The following RAB20 variants were observed in gnomAD, a reference collection of about 807,000 sequenced individuals.
RAB20 encodes the protein ras-related protein Rab-20.
RAB20 carries 2 observed loss-of-function variants against 3.7 expected under a neutral mutation model. The ratio of observed to expected loss-of-function variants is 0.54; its 90% CI spans 0.22 to 1.69. RAB20 has a LOEUF of 1.69. Among genes scored for constraint, RAB20 ranks in the 40% most tolerant of loss-of-function variants. The probability of loss-of-function intolerance (pLI) is 0.19; values close to 1 mark genes in which losing one functional copy is unlikely to be tolerated. For missense variants in RAB20, 276 were observed against 311.9 expected, an observed-to-expected ratio of 0.88 and a Z score of 0.87; for synonymous variants, 126 against 130.8, an observed-to-expected ratio of 0.96 and a Z score of 0.25.
At chr13:110,553,577 A>G (rs1013774411) in intron 1 of RAB20, among the ~76,000 whole-genome samples, 2 of 152,234 alleles carry the variant, frequency 1.3e-5, no homozygotes, top group Non-Finnish European at 2.9e-5. Flanking sequence ...AGCCATAGAC[A>G]ATGCATTTAA....
At position 110,528,183 on chromosome 13, in the gene RAB20, G is replaced by A. The variant is rs571431178; in HGVS notation, c.173-3986C>T. 3.1e-4 allele frequency among the ~76,000 whole-genome samples: 47 copies of A among 152,130 alleles called. No individual in the cohort carries two copies. In the East Asian group the frequency reaches 4.3e-3, roughly 14 times the overall value. On this transcript the variant is annotated intron_variant, in intron 1 of 1. Coordinates refer to ENST00000267328, the MANE Select transcript of RAB20 (RefSeq NM_017817.3). The stretch of plus-strand genomic sequence containing the variant: ...TGGAATCCCAGCACTTTGGGACGCC[G>A]GGGTGGGCGGATCACCTGAGTTCGG...
At chr13:110,534,318 G>A (rs762894629) in intron 1 of RAB20, among the ~76,000 whole-genome samples, 1 of 152,152 alleles carries the variant, frequency 6.6e-6, no homozygotes, top group African/African-American at 2.4e-5. Context: ...CCTTATTCAC[G>A]TGGACTGCTC....
intron 1 of RAB20, among the ~76,000 whole-genome samples, chr13:110,548,547 C>T (rs547809653): frequency 2.6e-5 from 4 of 152,128 alleles, no homozygotes; most frequent in African/African-American, 9.6e-5. Flanking sequence ...TCAGTCTCAC[C>T]TGCCTCCATC....
At chr13:110,536,641 C>A (rs1307916913) in intron 1 of RAB20, among the ~76,000 whole-genome samples, 1 of 140,402 alleles carries the variant, frequency 7.1e-6, no homozygotes, top group Non-Finnish European at 1.5e-5. Context: ...CCAAGCCCGT[C>A]AGCAGAACTG....
rs139256872 is a variant in RAB20, at chr13:110,536,652, C to T, written c.173-12455G>A. Reference sequence around the variant, plus strand: ...ACCTCCAAGCCCGTCAGCAGAACTGCTCGCTTCCTGAAACAAGTCACAGCT... The same window carrying T: ...ACCTCCAAGCCCGTCAGCAGAACTGTTCGCTTCCTGAAACAAGTCACAGCT... On this transcript the variant is annotated intron_variant, in intron 1 of 1. Coordinates refer to ENST00000267328, the MANE Select transcript of RAB20 (RefSeq NM_017817.3). Among the ~76,000 whole-genome samples, 265 of 138,408 alleles carry T rather than the reference C, an allele frequency of 1.9e-3. 1 individual carries two copies. Among genetic ancestry groups the T allele is most frequent in the African/African-American group, 6.9e-3 (254 of 36,554 alleles). The allele number at this position is 138,408 out of a possible 152,430, so 90.8% of individuals were successfully genotyped here. A position where few individuals can be genotyped will look rare whatever the true frequency, so the allele number is the denominator to read the frequency against.
At chr13:110,531,453 C>A (rs1405868685) in intron 1 of RAB20, among the ~76,000 whole-genome samples, 1 of 152,246 alleles carries the variant, frequency 6.6e-6, no homozygotes, top group Non-Finnish European at 1.5e-5. Context: ...ACAGCCCCCA[C>A]TCTAGAGACA....
chr13:110,557,737 A>G (rs187811706), intron 1 of RAB20, among the ~76,000 whole-genome samples: 1 of 152,356 alleles, frequency 6.6e-6, no homozygotes, highest in African/African-American at 2.4e-5. Context: ...CCGCCTTCCA[A>G]GCTGGCTCTT....
intron 1 of RAB20, among the ~76,000 whole-genome samples, chr13:110,529,461 G>T (rs1287358164): frequency 6.6e-6 from 1 of 152,192 alleles, no homozygotes; most frequent in Non-Finnish European, 1.5e-5. Context: ...TACCAATCGT[G>T]AAGCCAAAGC....
At chr13:110,532,682 A>T (rs61970348) in intron 1 of RAB20, among the ~76,000 whole-genome samples, 2 of 102,186 alleles carry the variant, frequency 2.0e-5, no homozygotes, top group East Asian at 3.0e-4. Context: ...CAGCCTATTT[A>T]ATTATTATTT....
At chr13:110,559,440 A>T (rs967353959) in intron 1 of RAB20, among the ~76,000 whole-genome samples, 1 of 152,190 alleles carries the variant, frequency 6.6e-6, no homozygotes, top group Non-Finnish European at 1.5e-5. Context: ...TAGAAAAGGT[A>T]TCTGTTCCTA....
At chr13:110,541,723 T>C (rs566179635) in intron 1 of RAB20, among the ~76,000 whole-genome samples, 22 of 152,190 alleles carry the variant, frequency 1.4e-4, no homozygotes, top group African/African-American at 5.3e-4. Flanking sequence ...CAACTGGATC[T>C]GATCCCTTTA....
Position 110,561,648 on chromosome 13 carries a change from C to T in RAB20, c.-129G>A, listed in dbSNP as rs1566594420. The T allele has an allele frequency of 7.1e-7, 1 of 1,404,898 alleles. No homozygotes were observed. The highest frequency in any genetic ancestry group is 1.6e-5 in the South Asian group (1 of 63,100). 87.0% of individuals were successfully genotyped at this position (1,404,898 alleles called of 1,614,324 possible). On this transcript the variant is annotated 5_prime_UTR_variant, in exon 1 of 2. Coordinates refer to ENST00000267328, the MANE Select transcript of RAB20 (RefSeq NM_017817.3). ...CCGGATTCTCGTGAACGCTCCGGGA[C>T]CTTCGCCTCCGGACGCCCGGGAGCT...
At chr13:110,559,436 A>C (rs562744770) in intron 1 of RAB20, among the ~76,000 whole-genome samples, 12 of 152,332 alleles carry the variant, frequency 7.9e-5, no homozygotes, top group South Asian at 4.1e-4. Flanking sequence ...ATTATAGAAA[A>C]GGTATCTGTT....
At chr13:110,538,131 T>C (rs1255616863) in intron 1 of RAB20, among the ~76,000 whole-genome samples, 1 of 149,814 alleles carries the variant, frequency 6.7e-6, no homozygotes, top group East Asian at 2.0e-4. Context: ...CCCAGCTACT[T>C]GGGAGGCTGA....
chr13:110,530,102 C>T (rs1884505581), intron 1 of RAB20, among the ~76,000 whole-genome samples: 1 of 152,048 alleles, frequency 6.6e-6, no homozygotes, highest in South Asian at 2.1e-4. Context: ...GCAGACAGGG[C>T]CCTGGGGAGG....
intron 1 of RAB20, among the ~76,000 whole-genome samples, chr13:110,548,723 G>A (rs1276599191): frequency 1.3e-5 from 2 of 151,968 alleles, no homozygotes; most frequent in Non-Finnish European, 2.9e-5. Flanking sequence ...GGTGGACTTT[G>A]ACAAAAACCC....
At chr13:110,535,583 A>C (rs9652145) in intron 1 of RAB20, among the ~76,000 whole-genome samples, 8,127 of 152,124 alleles carry the variant, frequency 0.053, 722 homozygotes, top group African/African-American at 0.19. Flanking sequence ...CCTAGATTCC[A>C]CCTCTCCTCC....
intron 1 of RAB20, among the ~76,000 whole-genome samples, chr13:110,536,930 T>TC (rs1385507557): frequency 3.7e-5 from 1 of 26,768 alleles, no homozygotes; most frequent in African/African-American, 1.4e-4. Flanking sequence ...CCCTCCCCCC[T>TC]CCCCCCACCC....
chr13:110,544,241 C>T (rs1249046793), intron 1 of RAB20, among the ~76,000 whole-genome samples: 1 of 152,180 alleles, frequency 6.6e-6, no homozygotes, highest in African/African-American at 2.4e-5. Context: ...CTACCCTGTT[C>T]CATTGGTCAA....
Sources: allele counts gnomAD v4.1 joint callset (sites outside exome capture counted in the v4.1 genomes callset), GRCh38; gene constraint gnomAD v4.1.1; transcripts MANE v1.5; gene names NCBI Gene and HGNC (gene_info 2026-07-23, HGNC 2026-07-21).